Variants in MAP1B observed in about 807,000 individuals in gnomAD.
MAP1B encodes the protein microtubule-associated protein 1B.
MAP1B carries 12 observed loss-of-function variants against 176.1 expected under a neutral mutation model. That is an observed-to-expected ratio of 0.07 (90% CI 0.04 to 0.11). MAP1B has a LOEUF of 0.11. Among genes scored for constraint, MAP1B ranks in the 10% least tolerant of loss-of-function variants. The pLI, the probability that MAP1B is intolerant of heterozygous loss-of-function variation, is 1.00. For synonymous variants in MAP1B, 1,044 were observed against 1,135.0 expected, an observed-to-expected ratio of 0.92 and a Z score of 1.61; for missense variants, 2,523 against 2,990.5, an observed-to-expected ratio of 0.84 and a Z score of 3.65.
chr5:72,153,360 G>A (rs1005275653), intron 2 of MAP1B, among the ~76,000 whole-genome samples: 2 of 151,910 alleles, frequency 1.3e-5, no homozygotes, highest in Admixed American at 1.3e-4. Context: ...GGACCACAAT[G>A]GATTTGACAA....
intron 2 of MAP1B, among the ~76,000 whole-genome samples, chr5:72,144,496 A>G (rs1746010746): frequency 6.6e-6 from 1 of 151,996 alleles, no homozygotes; most frequent in Admixed American, 6.6e-5. Flanking sequence ...TGGGCTCAAG[A>G]GATCCTCCCT....
At chr5:72,107,757 C>T (rs757773638) in intron 1 of MAP1B, 42 bp downstream of exon 1, 1 of 1,590,930 alleles carries the variant, frequency 6.3e-7, no homozygotes, top group Non-Finnish European at 8.5e-7. Flanking sequence ...CTGGGAGACG[C>T]GCAAACACGA....
rs112576789 is a variant in MAP1B at position 72,199,004 on chromosome 5, T to C, written c.5649T>C (p.Asp1883=). ...QKPEETTRSP[D]EEDYDYESYE... ...CTGAGGAAACAACCAGGTCCCCAGA[T>C]GAAGAAGATTATGACTATGAGTCTT... The change falls in exon 5 of 7, where the codon GAT becomes GAC. Residue 1883 remains aspartate, a synonymous_variant. Transcript: ENST00000296755. The surrounding 1 kb of genome is among the most constrained non-coding windows in gnomAD (Gnocchi z 4.2). The C allele has an allele frequency of 1.2e-6, 2 of 1,614,120 alleles. No individual in the cohort carries two copies. The highest frequency in any genetic ancestry group is 1.3e-5 in the African/African-American group (1 of 75,032).
chr5:72,197,862 A>C lies in MAP1B; in HGVS notation c.4507A>C (p.Thr1503Pro). ...DERKLGDVSPTQIDVSQFGSF... is the reference protein window; with the variant it reads ...DERKLGDVSPPQIDVSQFGSF... ...AAGGAAATTAGGAGATGTTTCTCCC[A>C]CACAAATAGATGTCAGTCAGTTTGG... Residue 1503 changes from threonine (T) to proline (P), a missense_variant, in exon 5 of 7, where the codon ACA becomes CCA. Thr to Pro is a conservative substitution (Grantham distance 38, BLOSUM62 -1). Coordinates refer to ENST00000296755, the MANE Select transcript of MAP1B (RefSeq NM_005909.5). The C allele has an allele frequency of 6.2e-7, 1 of 1,614,236 alleles. No homozygotes were observed. Among genetic ancestry groups the C allele is most frequent in the Non-Finnish European group, 8.5e-7 (1 of 1,180,034 alleles).
At chr5:72,108,683 G>GC (rs549118823) in intron 1 of MAP1B, among the ~76,000 whole-genome samples, 67 of 152,066 alleles carry the variant, frequency 4.4e-4, no homozygotes, top group African/African-American at 1.2e-3. Flanking sequence ...CGCCACACCT[G>GC]CCCCCCCACA....
At chr5:72,160,106 T>C (rs1265792419) in intron 2 of MAP1B, among the ~76,000 whole-genome samples, 1 of 152,116 alleles carries the variant, frequency 6.6e-6, no homozygotes, top group Non-Finnish European at 1.5e-5. Flanking sequence ...CCTTTTTTTG[T>C]ATTTCCATTT....
At chr5:72,138,402 G>T (rs1229054610) in intron 2 of MAP1B, among the ~76,000 whole-genome samples, 2 of 152,040 alleles carry the variant, frequency 1.3e-5, no homozygotes, top group Non-Finnish European at 2.9e-5. Context: ...GACAAGATAG[G>T]CACCTTCATA....
At chr5:72,201,556 A>G (rs993563451) in intron 5 of MAP1B, among the ~76,000 whole-genome samples, 13 of 152,224 alleles carry the variant, frequency 8.5e-5, no homozygotes, top group African/African-American at 2.7e-4. Context: ...CACATCAATC[A>G]CAAGGATTGG....
intron 2 of MAP1B, among the ~76,000 whole-genome samples, chr5:72,155,676 T>C (rs765234419): frequency 6.6e-6 from 1 of 152,166 alleles, no homozygotes; most frequent in Non-Finnish European, 1.5e-5. Flanking sequence ...ATCTCTTCAT[T>C]TGTTAACAGT....
intron 2 of MAP1B, among the ~76,000 whole-genome samples, chr5:72,165,753 C>A (rs534447791): frequency 6.6e-6 from 1 of 152,132 alleles, no homozygotes; most frequent in Non-Finnish European, 1.5e-5. Flanking sequence ...ATAAAATATG[C>A]ATTACTATTA....
At chr5:72,178,190 A>AT (rs1746689282) in intron 2 of MAP1B, among the ~76,000 whole-genome samples, 1 of 152,042 alleles carries the variant, frequency 6.6e-6, no homozygotes, top group African/African-American at 2.4e-5. Flanking sequence ...TTTAGTAGAG[A>AT]CAGCGTTTCA....
chr5:72,143,389 C>A (rs1745984162), intron 2 of MAP1B, among the ~76,000 whole-genome samples: 1 of 152,114 alleles, frequency 6.6e-6, no homozygotes, highest in Admixed American at 6.5e-5. Context: ...CTTTTAAAAA[C>A]CAATTCAAGG....
intron 2 of MAP1B, among the ~76,000 whole-genome samples, chr5:72,123,437 G>A (rs1745567005): frequency 6.6e-6 from 1 of 151,766 alleles, no homozygotes; most frequent in South Asian, 2.1e-4. Context: ...TGAAATAGCT[G>A]GGACTACCAG....
rs1747254847 is a variant in MAP1B at position 72,198,959 on chromosome 5, T to C, written c.5604T>C (p.Phe1868=). ...GTGGAGGGAAGACACCTGGTGACTT[T>C]AGCTATGCCTATCAAAAGCCTGAGG... The part of the protein sequence containing the change: ...KDSGGKTPGD[F]SYAYQKPEET... The change falls in exon 5 of 7, where the codon TTT becomes TTC. Residue 1868 remains phenylalanine (F), a synonymous_variant. Transcript: ENST00000296755. The C allele has an allele frequency of 1.2e-6, 2 of 1,614,172 alleles. No homozygotes were observed. The highest frequency in any genetic ancestry group is 1.7e-6 in the Non-Finnish European group (2 of 1,180,028).
At chr5:72,123,578 A>G in intron 2 of MAP1B, among the ~76,000 whole-genome samples, 1 of 150,920 alleles carries the variant, frequency 6.6e-6, no homozygotes, top group Non-Finnish European at 1.5e-5. Context: ...TATGCCTCCC[A>G]GGTTCACGCC....
chr5:72,166,185 G>A (rs1746424725), intron 2 of MAP1B, among the ~76,000 whole-genome samples: 1 of 152,168 alleles, frequency 6.6e-6, no homozygotes, highest in Non-Finnish European at 1.5e-5. Context: ...GTATATCCCA[G>A]CACTTTAAGC....
chr5:72,152,043 A>G (rs553811139), intron 2 of MAP1B, among the ~76,000 whole-genome samples: 26 of 152,284 alleles, frequency 1.7e-4, no homozygotes, highest in African/African-American at 6.0e-4. Context: ...GTTAAACTAC[A>G]TGGCAGATTT....
At chr5:72,134,626 G>A (rs1283764009) in intron 2 of MAP1B, among the ~76,000 whole-genome samples, 3 of 151,840 alleles carry the variant, frequency 2.0e-5, no homozygotes, top group Admixed American at 2.0e-4. Flanking sequence ...GGCATGTGCT[G>A]ACTGCATGAA....
intron 1 of MAP1B, among the ~76,000 whole-genome samples, chr5:72,108,485 G>A (rs139599843): frequency 0.016 from 2,368 of 152,344 alleles, 44 homozygotes; most frequent in Non-Finnish European, 0.021. Flanking sequence ...GGGTCGGTGA[G>A]GGAGACGTCA....
Sources: allele counts gnomAD v4.1 joint callset (sites outside exome capture counted in the v4.1 genomes callset), GRCh38; gene constraint gnomAD v4.1.1; non-coding constraint Gnocchi (gnomAD v3.1); transcripts MANE v1.5; gene names NCBI Gene and HGNC (gene_info 2026-07-23, HGNC 2026-07-21).